Variants in ABCA3 observed in about 807,000 individuals in gnomAD.
The protein encoded by ABCA3 is phospholipid-transporting ATPase ABCA3.
A neutral mutation model predicts 172.8 loss-of-function variants in ABCA3; 88 were observed. The observed-to-expected ratio is 0.51, with a 90% confidence interval of 0.43 to 0.61. The LOEUF (loss-of-function observed/expected upper bound fraction) is 0.61, where lower values mean the gene tolerates loss of function less well. Among genes scored for constraint, ABCA3 ranks in the 20% least tolerant of loss-of-function variants. The probability of loss-of-function intolerance (pLI) is 0.00; values close to 1 mark genes in which losing one functional copy is unlikely to be tolerated. For missense variants in ABCA3, 2,164 were observed against 2,301.0 expected (o/e 0.94, Z 1.22); for synonymous variants, 1,066 against 983.8 (o/e 1.08, Z -1.56).
intron 10 of ABCA3, among the ~76,000 whole-genome samples, chr16:2,313,891 CAA>C (rs34599387): frequency 7.1e-5 from 9 of 126,828 alleles, no homozygotes; most frequent in East Asian, 2.4e-4. Context: ...GATTCCATCT[CAA>C]AAAAAAAAAA....
chr16:2,338,621 T>C (rs2093755533), intron 1 of ABCA3, among the ~76,000 whole-genome samples: 1 of 152,170 alleles, frequency 6.6e-6, no homozygotes, highest in African/African-American at 2.4e-5. Flanking sequence ...TGGTCACCTG[T>C]TGCACCTTTT....
intron 11 of ABCA3, 45 bp from the exon 12 acceptor site, chr16:2,304,195 G>A: frequency 6.2e-7 from 1 of 1,611,602 alleles, no homozygotes; most frequent in Non-Finnish European, 8.5e-7. Flanking sequence ...AGCAGGCTGG[G>A]GGGCCCAGGG....
At chr16:2,302,721 G>C (rs2093691423) in intron 12 of ABCA3, among the ~76,000 whole-genome samples, 1 of 151,926 alleles carries the variant, frequency 6.6e-6, no homozygotes, top group African/African-American at 2.4e-5. Context: ...CTGGCCTCAA[G>C]TCATCCTTCC....
At chr16:2,303,016 C>T (rs2093691914) in intron 12 of ABCA3, among the ~76,000 whole-genome samples, 1 of 151,462 alleles carries the variant, frequency 6.6e-6, no homozygotes, top group Admixed American at 6.6e-5. Flanking sequence ...CCAGGCTGGT[C>T]TCAAACTTCT....
chr16:2,292,052 A>C (rs1202974254), intron 19 of ABCA3, 88 bp downstream of exon 19: 1 of 1,030,752 alleles, frequency 9.7e-7, no homozygotes, highest in Non-Finnish European at 1.5e-6. Context: ...CAGCCTGGGC[A>C]ACTAGAGTGA....
At chr16:2,340,021 C>T (rs2141756429) in intron 1 of ABCA3, among the ~76,000 whole-genome samples, 1 of 152,376 alleles carries the variant, frequency 6.6e-6, no homozygotes, top group South Asian at 2.1e-4. Flanking sequence ...AAACGCCCGC[C>T]GCGGACCGTG....
chr16:2,308,747 G>C, intron 10 of ABCA3, 124 bp from the exon 11 acceptor site: 1 of 1,115,208 alleles, frequency 9.0e-7, no homozygotes, highest in Non-Finnish European at 1.3e-6. Flanking sequence ...CCTGGCACTT[G>C]CCATCTACAC....
At chr16:2,289,827 A>AT (rs1166374141) in intron 19 of ABCA3, among the ~76,000 whole-genome samples, 1 of 152,176 alleles carries the variant, frequency 6.6e-6, no homozygotes, top group Non-Finnish European at 1.5e-5. Context: ...GGGTTTCACC[A>AT]TGTTGGCCAG....
At position 2,324,496 on chromosome 16, in the gene ABCA3, A is replaced by G; in HGVS notation, c.355T>C (p.Tyr119His). ...GACGAGCAGTTGTCGTACCTAATGT[A>G]GTCCTCAAAGTCCTTCTCGGAGGGA... The part of the protein sequence containing the change: ...GFPSEKDFED[Y>H]IRYDNCSSSV... The change falls in exon 6 of 33, where the codon TAC (tyrosine) becomes CAC (histidine). Residue 119 changes from tyrosine to histidine, a missense_variant. This residue lies in a region of ABCA3 where 1,343 missense variants were observed against 1,369.6 expected (regional missense o/e 0.98). Transcript: ENST00000301732. 6.2e-7 allele frequency: 1 copy of G among 1,610,710 alleles called. No homozygotes were observed.
rs1193245123 is a variant in ABCA3, at chr16:2,278,464, G to A, written c.4548-6C>T. 3.1e-6 allele frequency: 5 copies of A among 1,611,068 alleles called. No homozygotes were observed. The highest frequency in any genetic ancestry group is 2.2e-5 in the East Asian group (1 of 44,882). On this transcript the variant is annotated splice_polypyrimidine_tract_variant and splice_region_variant and intron_variant, in intron 29 of 32. Coordinates refer to ENST00000301732, the MANE Select transcript of ABCA3 (RefSeq NM_001089.3). The surrounding 1 kb of genome is among the most constrained non-coding windows in gnomAD (Gnocchi z 4.4). ...GCTTCCGCTTGTTACCACCACTAGA[G>A]GCAGGAGGGTGCCAGGTGGGGGAAT...
chr16:2,310,417 A>C (rs2093704762), intron 10 of ABCA3, among the ~76,000 whole-genome samples: 1 of 146,314 alleles, frequency 6.8e-6, no homozygotes, highest in African/African-American at 2.5e-5. Flanking sequence ...AAAACAAACA[A>C]ACAAACAAAA....
At position 2,285,111 on chromosome 16, in the gene ABCA3, C is replaced by T; in HGVS notation, c.3484-113G>A. On this transcript the variant is annotated intron_variant, in intron 23 of 32. Coordinates refer to ENST00000301732, the MANE Select transcript of ABCA3 (RefSeq NM_001089.3). The surrounding 1 kb of genome is among the most constrained non-coding windows in gnomAD (Gnocchi z 4.7). ...CCTCAGACCCCTCCCGGTCAGCTGGCCCATGTCCATCAGCCCCACAGGCCA... is the reference window on the plus strand; with the variant it reads ...CCTCAGACCCCTCCCGGTCAGCTGGTCCATGTCCATCAGCCCCACAGGCCA... 1 of 1,234,396 alleles carries T rather than the reference C, an allele frequency of 8.1e-7. No homozygotes were observed. The highest frequency in any genetic ancestry group is 1.5e-5 in the African/African-American group (1 of 66,996). The allele number at this position is 1,234,396 out of a possible 1,614,324, so 76.5% of individuals were successfully genotyped here. A position where few individuals can be genotyped will look rare whatever the true frequency, so the allele number is the denominator to read the frequency against.
intron 2 of ABCA3, among the ~76,000 whole-genome samples, chr16:2,329,334 T>G (rs2093739479): frequency 6.6e-6 from 1 of 152,092 alleles, no homozygotes; most frequent in African/African-American, 2.4e-5. Context: ...TTTCTAGAAG[T>G]GGTTTAGGCA....
Position 2,288,110 on chromosome 16 carries a change from C to T in ABCA3, c.2920G>A (p.Gly974Arg), listed in dbSNP as rs773990907. Reference sequence around the variant, plus strand: ...AGCTGCTGACCCAGCTGGGAGGTCCCGGGAACTGAGAAGGGCACGACGGTT... The same window carrying T: ...AGCTGCTGACCCAGCTGGGAGGTCCTGGGAACTGAGAAGGGCACGACGGTT... ...GRTVVPFSVP[G>R]TSQLGQQLSE... The change falls in exon 21 of 33, where the codon GGG becomes AGG. Residue 974 changes from glycine (G) to arginine (R), a missense_variant. Physicochemically the swap from Gly to Arg is moderately radical, Grantham distance 125. This residue lies in a region of ABCA3 where 1,343 missense variants were observed against 1,369.6 expected (regional missense o/e 0.98). Coordinates refer to ENST00000301732, the MANE Select transcript of ABCA3 (RefSeq NM_001089.3). The T allele has an allele frequency of 1.1e-5, 18 of 1,613,422 alleles. No individual in the cohort carries two copies. Among genetic ancestry groups the T allele is most frequent in the Admixed American group, 3.3e-5 (2 of 59,966 alleles).
In ABCA3 at chr16:2,288,137, T is replaced by C. The variant is rs2093665975; in HGVS notation, c.2893A>G (p.Arg965Gly). Residue 965 changes from arginine to glycine, a missense_variant, in exon 21 of 33, where the codon AGA (arginine) becomes GGA (glycine). Physicochemically the swap from Arg to Gly is moderately radical, Grantham distance 125. This residue lies in a region of ABCA3 where 1,343 missense variants were observed against 1,369.6 expected (regional missense o/e 0.98). Coordinates refer to ENST00000301732, the MANE Select transcript of ABCA3 (RefSeq NM_001089.3). Reference protein sequence around the residue: ...MLRLTLGEYGRTVVPFSVPGT... With the variant: ...MLRLTLGEYGGTVVPFSVPGT... ...GGAACTGAGAAGGGCACGACGGTTC[T>C]GCCGTACTCGCCCAAGGTCAGCCTC... The C allele has an allele frequency of 6.2e-7, 1 of 1,612,408 alleles. No individual in the cohort carries two copies. The highest frequency in any genetic ancestry group is 1.3e-5 in the African/African-American group (1 of 74,892).
intron 8 of ABCA3, among the ~76,000 whole-genome samples, chr16:2,318,552 G>A (rs1349131056): frequency 6.7e-6 from 1 of 149,534 alleles, no homozygotes; most frequent in Non-Finnish European, 1.5e-5. Context: ...TTGCTCTGCT[G>A]CCCAGGCTGG....
chr16:2,336,215 T>C (rs200485086), intron 1 of ABCA3, among the ~76,000 whole-genome samples: 2 of 152,294 alleles, frequency 1.3e-5, no homozygotes, highest in East Asian at 3.9e-4. Flanking sequence ...TATGAACATT[T>C]ACACCCGCAC....
chr16:2,316,522 A>T (rs1035284847), intron 10 of ABCA3, among the ~76,000 whole-genome samples: 4 of 129,298 alleles, frequency 3.1e-5, no homozygotes, highest in Admixed American at 9.1e-5. Context: ...AAAAAAAAAA[A>T]AAAAAATTAG....
intron 26 of ABCA3, among the ~76,000 whole-genome samples, chr16:2,282,030 T>A (rs557253713): frequency 6.6e-6 from 1 of 152,310 alleles, no homozygotes; most frequent in Non-Finnish European, 1.5e-5. Flanking sequence ...CCTTTGGTGA[T>A]CCGTCCACCT....
Sources: gnomAD v4.1 joint callset for allele counts (sites outside exome capture counted in the v4.1 genomes callset) on GRCh38, gnomAD v4.1.1 for gene constraint, gnomAD v4.1.1 regional missense constraint, Gnocchi (gnomAD v3.1) non-coding constraint, MANE v1.5 for transcripts, NCBI Gene and HGNC (gene_info 2026-07-23, HGNC 2026-07-21) for gene names.